PLCE1: variants seen among roughly 807,000 people sequenced by gnomAD.
PLCE1 encodes the protein phospholipase C epsilon 1.
A neutral mutation model predicts 242.8 loss-of-function variants in PLCE1; 119 were observed. That is an observed-to-expected ratio of 0.49 (90% CI 0.42 to 0.57). The LOEUF (loss-of-function observed/expected upper bound fraction) is 0.57. Ranked by LOEUF, PLCE1 falls within the 20% of genes least tolerant of loss-of-function variation. The pLI is 0.00. For synonymous variants in PLCE1, 945 were observed against 1,017.4 expected (o/e 0.93, Z 1.35); for missense variants, 2,441 against 2,788.8 (o/e 0.88, Z 2.81).
chr10:94,159,323 G>A (rs552788764), intron 3 of PLCE1, among the ~76,000 whole-genome samples: 2 of 152,214 alleles, frequency 1.3e-5, no homozygotes, highest in East Asian at 3.9e-4. Flanking sequence ...CAGATAATAA[G>A]ATAAAATCAC....
chr10:94,254,835 G>A, intron 10 of PLCE1, 58 bp from the exon 11 acceptor site: 1 of 1,588,718 alleles, frequency 6.3e-7, no homozygotes, highest in Non-Finnish European at 8.6e-7. Context: ...TTTGTATTTG[G>A]TTCTGAGGGA....
At chr10:94,226,585 G>GT (rs1315808814) in intron 4 of PLCE1, among the ~76,000 whole-genome samples, 8 of 151,972 alleles carry the variant, frequency 5.3e-5, no homozygotes, top group Admixed American at 5.2e-4. Context: ...GTTTAAAAAT[G>GT]TTTTTATTTT....
intron 4 of PLCE1, among the ~76,000 whole-genome samples, chr10:94,191,926 A>C (rs971849074): frequency 2.0e-5 from 3 of 152,224 alleles, no homozygotes; most frequent in African/African-American, 7.2e-5. Flanking sequence ...GTTTTAGCTG[A>C]GAGGATGACC....
intron 4 of PLCE1, among the ~76,000 whole-genome samples, chr10:94,185,260 A>C (rs2048437708): frequency 6.6e-6 from 1 of 152,216 alleles, no homozygotes; most frequent in East Asian, 1.9e-4. Context: ...GCATTTTAAG[A>C]GGCTGAGGTG....
rs2049686957 is a variant in PLCE1, at chr10:94,220,376, T to TATATATATA, written c.1810-6930_1810-6929insATATATATA. Among the ~76,000 whole-genome samples the TATATATATA allele has an allele frequency of 6.1e-4, 38 of 61,906 alleles. 1 individual carries two copies. The highest frequency in any genetic ancestry group is 0.011 in the Middle Eastern group (1 of 92). 40.6% of individuals were successfully genotyped at this position (61,906 alleles called of 152,430 possible). On this transcript the variant is annotated intron_variant, in intron 4 of 32. Transcript: ENST00000371380. ...AATAAAAGCTTAAAAACTAAACATT[T>TATATATATA]TATATATATATATATATATATATAT...
intron 2 of PLCE1, among the ~76,000 whole-genome samples, chr10:94,039,593 C>T (rs1186971665): frequency 6.6e-6 from 1 of 152,106 alleles, no homozygotes; most frequent in African/African-American, 2.4e-5. Flanking sequence ...ACCATGTTGG[C>T]CAGGCTGGTC....
At chr10:94,130,657 C>T (rs1225787683) in intron 2 of PLCE1, among the ~76,000 whole-genome samples, 1 of 152,190 alleles carries the variant, frequency 6.6e-6, no homozygotes, top group African/African-American at 2.4e-5. Context: ...ATGCTGGCCA[C>T]TAGAAATTTA....
chr10:94,210,131 G>A (rs975767436), intron 4 of PLCE1, among the ~76,000 whole-genome samples: 1 of 149,850 alleles, frequency 6.7e-6, no homozygotes, highest in Admixed American at 6.6e-5. Context: ...TTTTTTGTTT[G>A]TTGTTTGTTT....
At chr10:94,191,306 CT>C (rs1210525584) in intron 4 of PLCE1, among the ~76,000 whole-genome samples, 25 of 152,036 alleles carry the variant, frequency 1.6e-4, no homozygotes, top group African/African-American at 2.2e-4. Flanking sequence ...AGGACCCCCC[CT>C]GCCCCAAACA....
At chr10:94,082,754 C>T (rs1354494977) in intron 2 of PLCE1, among the ~76,000 whole-genome samples, 1 of 151,958 alleles carries the variant, frequency 6.6e-6, no homozygotes, top group East Asian at 1.9e-4. Flanking sequence ...TAGCAATGAA[C>T]CATCTGGAAA....
chr10:94,121,495 G>A (rs1273510032), intron 2 of PLCE1, among the ~76,000 whole-genome samples: 1 of 152,206 alleles, frequency 6.6e-6, no homozygotes, highest in Non-Finnish European at 1.5e-5. Context: ...CATGGTCTTG[G>A]AGCTCTAAAG....
chr10:94,325,490 G>A (rs2053975904), intron 32 of PLCE1: 1 of 202,350 alleles, frequency 4.9e-6, no homozygotes, highest in East Asian at 1.3e-4. Context: ...AGCTACTGGG[G>A]AGGCTGAGGC....
At chr10:93,998,790 C>G (rs1327936987) in intron 1 of PLCE1, among the ~76,000 whole-genome samples, 1 of 152,132 alleles carries the variant, frequency 6.6e-6, no homozygotes, top group Non-Finnish European at 1.5e-5. Flanking sequence ...ATGCCTGGAA[C>G]CTGTGAATAT....
At chr10:94,148,748 G>T (rs1326316522) in intron 3 of PLCE1, among the ~76,000 whole-genome samples, 2 of 152,198 alleles carry the variant, frequency 1.3e-5, no homozygotes, top group Admixed American at 6.5e-5. Flanking sequence ...AGGCTATACA[G>T]ACACACAGAA....
chr10:94,201,770 C>T (rs545942835), intron 4 of PLCE1, among the ~76,000 whole-genome samples: 32 of 152,290 alleles, frequency 2.1e-4, no homozygotes, highest in African/African-American at 7.5e-4. Context: ...TGAGCCACCA[C>T]GCCCAGGCTA....
At chr10:94,250,756 A>G (rs1589419947) in intron 8 of PLCE1, among the ~76,000 whole-genome samples, 3 of 152,226 alleles carry the variant, frequency 2.0e-5, no homozygotes, top group African/African-American at 7.2e-5. Flanking sequence ...TTTTACATGT[A>G]AACTATAATG....
At chr10:94,047,797 C>G (rs1163693055) in intron 2 of PLCE1, among the ~76,000 whole-genome samples, 1 of 152,166 alleles carries the variant, frequency 6.6e-6, no homozygotes, top group Non-Finnish European at 1.5e-5. Flanking sequence ...CCCCAAACCT[C>G]TACATGTCCC....
chr10:94,092,066 C>A (rs186414145), intron 2 of PLCE1, among the ~76,000 whole-genome samples: 3 of 152,064 alleles, frequency 2.0e-5, no homozygotes. Context: ...GTAAGATTAA[C>A]GGTCTGATGC....
intron 4 of PLCE1, among the ~76,000 whole-genome samples, chr10:94,214,023 C>T (rs1013831454): frequency 6.6e-6 from 1 of 152,172 alleles, no homozygotes; most frequent in Non-Finnish European, 1.5e-5. Flanking sequence ...AGGTAGGAAA[C>T]TTGCTCAAGG....
Sources: gnomAD v4.1 joint callset for allele counts (sites outside exome capture counted in the v4.1 genomes callset) on GRCh38, gnomAD v4.1.1 for gene constraint, MANE v1.5 for transcripts, NCBI Gene and HGNC (gene_info 2026-07-23, HGNC 2026-07-21) for gene names.